Variants in TMEM135 observed in about 807,000 individuals in gnomAD.
TMEM135 encodes the protein transmembrane protein 135.
Under a neutral mutation model 60.3 loss-of-function variants are expected in TMEM135, and 30 were observed. The observed-to-expected ratio is 0.50, with a 90% CI of 0.37 to 0.68. TMEM135 has a LOEUF of 0.68. Among genes scored for constraint, TMEM135 ranks in the 30% least tolerant of loss-of-function variants. The pLI, the probability that TMEM135 is intolerant of heterozygous loss-of-function variation, is 0.00. For synonymous variants in TMEM135, 190 were observed against 186.7 expected, an observed-to-expected ratio of 1.02 and a Z score of -0.14; for missense variants, 468 against 548.8, an observed-to-expected ratio of 0.85 and a Z score of 1.47.
chr11:87,274,867 T>C (rs1354773504), intron 6 of TMEM135, among the ~76,000 whole-genome samples: 1 of 149,652 alleles, frequency 6.7e-6, no homozygotes, highest in Non-Finnish European at 1.5e-5. Flanking sequence ...TATGCATATA[T>C]ATTTATATAT....
At chr11:87,187,633 G>T (rs960370290) in intron 5 of TMEM135, among the ~76,000 whole-genome samples, 10 of 152,190 alleles carry the variant, frequency 6.6e-5, no homozygotes, top group Non-Finnish European at 1.0e-4. Context: ...GTATGCACTT[G>T]TGTGTGAACG....
At chr11:87,305,856 CAG>C (rs1464894646) in intron 8 of TMEM135, 78 bp from the exon 9 acceptor site, 1 of 871,530 alleles carries the variant, frequency 1.1e-6, no homozygotes, top group African/African-American at 1.7e-5. Context: ...AAGCTTTAAA[CAG>C]ATCCACAAAC....
rs757081661 is a variant in TMEM135, at chr11:87,321,277, A to T, written c.1321A>T (p.Arg441Trp). 1 of 1,613,722 alleles carries T rather than the reference A, an allele frequency of 6.2e-7. No individual in the cohort carries two copies. Among genetic ancestry groups the T allele is most frequent in the Non-Finnish European group, 8.5e-7 (1 of 1,179,700 alleles). ...ASKHFQDFIP[R>W]LDPRYTTVTP... ...TAAACACTTTCAGGATTTCATCCCC[A>T]GGTTGGATCCAAGATACACAACTGT... Residue 441 changes from arginine to tryptophan, a missense_variant, in exon 15 of 15, where the codon AGG becomes TGG. Physicochemically the swap from Arg to Trp is moderately radical, Grantham distance 101 (BLOSUM62 -3). Coordinates refer to ENST00000305494, the MANE Select transcript of TMEM135 (RefSeq NM_022918.4).
intron 5 of TMEM135, among the ~76,000 whole-genome samples, chr11:87,193,632 A>G (rs1219854038): frequency 6.6e-6 from 1 of 151,866 alleles, no homozygotes; most frequent in Non-Finnish European, 1.5e-5. Flanking sequence ...AATTAAGAAT[A>G]TCTGACTTCT....
chr11:87,044,496 C>A (rs577799983), intron 1 of TMEM135, among the ~76,000 whole-genome samples: 1 of 151,990 alleles, frequency 6.6e-6, no homozygotes, highest in Admixed American at 6.5e-5. Context: ...CTTTGGAGAC[C>A]ATGGAATTGT....
intron 8 of TMEM135, 132 bp from the exon 9 acceptor site, chr11:87,305,804 T>TAAATAAAC: frequency 2.4e-6 from 1 of 412,398 alleles, no homozygotes; most frequent in South Asian, 5.7e-5. Flanking sequence ...AATAAATAAA[T>TAAATAAAC]AAAGTGATGT....
rs762228845 is a variant in TMEM135, at chr11:87,295,785, C to T, written c.513C>T (p.Cys171=). ...TAAMYMFFFR[C]KDGLKGFTFS... is the part of the protein sequence containing the mutation. ...TTGTAAATTCTTATTGTTTTAGGTG[C>T]AAGGATGGCTTGAAAGGATTTACAT... The change falls in exon 7 of 15, where the codon TGC becomes TGT. Residue 171 remains cysteine, a synonymous_variant. Coordinates refer to ENST00000305494, the MANE Select transcript of TMEM135 (RefSeq NM_022918.4). The T allele has an allele frequency of 6.2e-6, 10 of 1,605,660 alleles. No homozygotes were observed. Among genetic ancestry groups the T allele is most frequent in the Non-Finnish European group, 7.7e-6 (9 of 1,174,456 alleles).
At chr11:87,132,082 T>C (rs1456544881) in intron 4 of TMEM135, among the ~76,000 whole-genome samples, 1 of 152,100 alleles carries the variant, frequency 6.6e-6, no homozygotes, top group Non-Finnish European at 1.5e-5. Flanking sequence ...TGATTCTACA[T>C]TGTGGTGAGT....
chr11:87,218,071 T>G (rs953230853), intron 5 of TMEM135, among the ~76,000 whole-genome samples: 3 of 152,154 alleles, frequency 2.0e-5, no homozygotes, highest in Non-Finnish European at 2.9e-5. Flanking sequence ...TTTGGAGGCA[T>G]TTTTAGTTGT....
At chr11:87,149,988 G>A (rs908799269) in intron 4 of TMEM135, among the ~76,000 whole-genome samples, 7 of 152,090 alleles carry the variant, frequency 4.6e-5, no homozygotes, top group African/African-American at 1.2e-4. Flanking sequence ...AGGCCAAAGC[G>A]GGTGGATCAC....
At chr11:87,309,876 G>C (rs4944697) in intron 10 of TMEM135, among the ~76,000 whole-genome samples, 2 of 151,836 alleles carry the variant, frequency 1.3e-5, no homozygotes, top group African/African-American at 2.4e-5. Context: ...ATATACTCGA[G>C]TGTGTAGACA....
intron 4 of TMEM135, among the ~76,000 whole-genome samples, chr11:87,093,128 T>G (rs531471741): frequency 4.8e-4 from 73 of 152,312 alleles, no homozygotes; most frequent in Non-Finnish European, 8.1e-4. Flanking sequence ...CTTTAACATT[T>G]TCCTACTTTT....
chr11:87,053,285 C>T (rs1160359662), intron 1 of TMEM135, among the ~76,000 whole-genome samples: 1 of 84,026 alleles, frequency 1.2e-5, no homozygotes, highest in Non-Finnish European at 2.0e-5. Context: ...TCAATTTGTG[C>T]ATAAGCAATA....
chr11:87,159,355 A>G (rs568918567), intron 5 of TMEM135, among the ~76,000 whole-genome samples: 23 of 152,318 alleles, frequency 1.5e-4, no homozygotes, highest in Non-Finnish European at 1.0e-4. Context: ...TAATGTCTCT[A>G]AAATTAGGAA....
chr11:87,143,407 T>TTTTG (rs1268458746), intron 4 of TMEM135, among the ~76,000 whole-genome samples: 2 of 151,782 alleles, frequency 1.3e-5, no homozygotes, highest in African/African-American at 2.4e-5. Flanking sequence ...CACTTTCCTG[T>TTTTG]TTTGTTTGTT....
At chr11:87,223,667 G>GCA (rs113588295) in intron 5 of TMEM135, among the ~76,000 whole-genome samples, 7,712 of 118,328 alleles carry the variant, frequency 0.065, 409 homozygotes, top group East Asian at 0.21. Context: ...GCACATGCAC[G>GCA]CACACACACA....
At position 87,159,589 on chromosome 11, in the gene TMEM135, A is replaced by ACGCG. The variant is rs1555111979; in HGVS notation, c.462+2185_462+2188dup. On this transcript the variant is annotated intron_variant, in intron 5 of 14. Coordinates refer to ENST00000305494, the MANE Select transcript of TMEM135 (RefSeq NM_022918.4). ...ATCAAAGATACTACTGAATACACAC[A>ACGCG]CGCGCACACACACACACACACACAC... Among the ~76,000 whole-genome samples, 427 of 146,650 alleles carry ACGCG rather than the reference A, an allele frequency of 2.9e-3. 3 individuals carry two copies. Among genetic ancestry groups the ACGCG allele is most frequent in the East Asian group, 0.017 (81 of 4,786 alleles).
At chr11:87,292,736 T>A (rs1753113462) in intron 6 of TMEM135, among the ~76,000 whole-genome samples, 1 of 152,224 alleles carries the variant, frequency 6.6e-6, no homozygotes, top group Admixed American at 6.5e-5. Context: ...CTTATACACA[T>A]GAATGGAAAG....
intron 1 of TMEM135, among the ~76,000 whole-genome samples, chr11:87,058,289 G>T (rs1406991013): frequency 6.6e-6 from 1 of 151,920 alleles, no homozygotes; most frequent in Non-Finnish European, 1.5e-5. Context: ...ATGGTATACA[G>T]AAAAATTTGT....
Sources: allele counts gnomAD v4.1 joint callset (sites outside exome capture counted in the v4.1 genomes callset), GRCh38; gene constraint gnomAD v4.1.1; transcripts MANE v1.5; gene names NCBI Gene and HGNC (gene_info 2026-07-23, HGNC 2026-07-21).